Variants in SETX observed in about 807,000 individuals in gnomAD.
SETX encodes senataxin, also known as helicase senataxin.
Under a neutral mutation model 227.2 loss-of-function variants are expected in SETX, and 90 were observed. The observed-to-expected ratio is 0.40, with a 90% CI of 0.33 to 0.47. The LOEUF (loss-of-function observed/expected upper bound fraction) is 0.47. SETX is among the 20% of genes least tolerant of loss of function. The pLI, the probability that SETX is intolerant of heterozygous loss-of-function variation, is 0.91. For missense variants in SETX, 3,052 were observed against 3,181.5 expected, an observed-to-expected ratio of 0.96 and a Z score of 0.98; for synonymous variants, 1,210 against 1,113.2, an observed-to-expected ratio of 1.09 and a Z score of -1.73.
chr9:132,290,369 G>T (rs1372752034), intron 15 of SETX, among the ~76,000 whole-genome samples: 1 of 151,944 alleles, frequency 6.6e-6, no homozygotes, highest in Non-Finnish European at 1.5e-5. Flanking sequence ...GAGGTCAGGG[G>T]TTTGAGACCA....
intron 23 of SETX, among the ~76,000 whole-genome samples, chr9:132,274,061 T>C (rs1011461874): frequency 1.3e-5 from 2 of 152,298 alleles, no homozygotes; most frequent in African/African-American, 4.8e-5. Flanking sequence ...TCCTCATTCT[T>C]CTAATATGGT....
In SETX at chr9:132,311,785, G is replaced by C. The variant is rs115071007; in HGVS notation, c.5346C>G (p.Ala1782=). ...CAAACTCCCAGTATTTTATATAATC[G>C]GCAGGAAATTTTCGTACTTGCAACT... ...FYQLQVRKFP[A]DYIKYWEFAV... Residue 1782 remains alanine (A), a synonymous_variant, in exon 11 of 26, where the codon GCC becomes GCG. Coordinates refer to ENST00000224140, the MANE Select transcript of SETX (RefSeq NM_015046.7). 6.2e-7 allele frequency: 1 copy of C among 1,613,002 alleles called. No individual in the cohort carries two copies. The highest frequency in any genetic ancestry group is 2.2e-5 in the East Asian group (1 of 44,832).
chr9:132,271,201 A>G (rs1356658891), intron 24 of SETX, among the ~76,000 whole-genome samples: 2 of 152,266 alleles, frequency 1.3e-5, no homozygotes, highest in Non-Finnish European at 2.9e-5. Flanking sequence ...TCTGCAAAGT[A>G]TAATCTAATT....
At chr9:132,292,128 A>T (rs1564496567) in intron 15 of SETX, among the ~76,000 whole-genome samples, 1 of 152,156 alleles carries the variant, frequency 6.6e-6, no homozygotes, top group Non-Finnish European at 1.5e-5. Context: ...TCACATGTGC[A>T]TTTAGGGAAT....
Position 132,296,737 on chromosome 9 carries a change from C to A in SETX, c.5949+150G>T, listed in dbSNP as rs1844694047. The A allele has an allele frequency of 3.1e-5, 23 of 741,022 alleles. No homozygotes were observed. The East Asian group carries it at 6.1e-4, about 20-fold the overall frequency. The allele number at this position is 741,022 out of a possible 1,614,324, so 45.9% of individuals were successfully genotyped here. On this transcript the variant is annotated intron_variant, in intron 14 of 25. Transcript: ENST00000224140. ...CATAACCTTCCCTCCCTCTGCCACC[C>A]TTTTCTCTGACACAGTTACACACAA...
intron 15 of SETX, 63 bp downstream of exon 15, chr9:132,295,809 C>T (rs1844633885): frequency 7.4e-6 from 11 of 1,487,154 alleles, no homozygotes; most frequent in African/African-American, 1.4e-5. Context: ...CTTTGTCATT[C>T]AAAGTTGCCT....
At chr9:132,353,193 T>C (rs1048170168) in intron 2 of SETX, among the ~76,000 whole-genome samples, 2 of 152,162 alleles carry the variant, frequency 1.3e-5, no homozygotes, top group African/African-American at 4.8e-5. Context: ...CCCGCGATGA[T>C]CCAGCTTCCA....
At chr9:132,309,787 T>C (rs1020736800) in intron 11 of SETX, among the ~76,000 whole-genome samples, 2 of 152,010 alleles carry the variant, frequency 1.3e-5, no homozygotes, top group Non-Finnish European at 2.9e-5. Flanking sequence ...TAACCTTTGT[T>C]CTAGAAGGTA....
intron 4 of SETX, among the ~76,000 whole-genome samples, chr9:132,343,175 C>T (rs1488042952): frequency 1.3e-5 from 2 of 152,014 alleles, no homozygotes; most frequent in Non-Finnish European, 2.9e-5. Flanking sequence ...AAAAATTAGC[C>T]GGGCGTGGTG....
Position 132,329,886 on chromosome 9 carries a change from G to A in SETX, c.1712C>T (p.Ser571Phe). ...KLNLFLRGNL[S>F]LGWQLTSQET... ...CTGACTAGTCAACTGCCAACCTAGA[G>A]ATAAATTTCCTCTAAGGAATAAGTT... The change falls in exon 10 of 26, where the codon TCT becomes TTT. Residue 571 changes from serine (S) to phenylalanine (F), a missense_variant. By Grantham distance (155) the Ser-to-Phe change is radical. Transcript: ENST00000224140. 1 of 1,614,114 alleles carries A rather than the reference G, an allele frequency of 6.2e-7. No homozygotes were observed.
Position 132,328,869 on chromosome 9 carries a change from G to A in SETX, c.2729C>T (p.Ser910Leu), listed in dbSNP as rs1454530327. Reference protein sequence around the residue: ...TEMTNASEKKSSPFKDLMTVP... With the variant: ...TEMTNASEKKLSPFKDLMTVP... ...AGTCATAAGATCTTTAAAGGGAGAT[G>A]ATTTCTTCTCTGAAGCATTGGTCAT... Residue 910 changes from serine (S) to leucine (L), a missense_variant, in exon 10 of 26, where the codon TCA becomes TTA. Ser to Leu is a moderately radical substitution (Grantham distance 145). This residue lies in a region of SETX where 1,483 missense variants were observed against 1,312.0 expected (regional missense o/e 1.13). Transcript: ENST00000224140. 3.7e-6 allele frequency: 6 copies of A among 1,613,982 alleles called. No homozygotes were observed. The highest frequency in any genetic ancestry group is 4.2e-6 in the Non-Finnish European group (5 of 1,179,970).
rs889638841 is a variant in SETX, at chr9:132,354,391, G to C, written c.-115+526C>G. On this transcript the variant is annotated intron_variant, in intron 1 of 25. Transcript: ENST00000224140. ...CGCGCCTATGGTCCCAGTTACTCGG[G>C]GGGATGAGGCGGAAGGATCGCTGGA... 4.6e-5 allele frequency among the ~76,000 whole-genome samples: 7 copies of C among 151,844 alleles called. 1 individual carries two copies. In the South Asian group the frequency reaches 1.0e-3, roughly 23 times the overall value.
rs192065990 is a variant in SETX, at chr9:132,345,153, C to T, written c.388+1108G>A. On this transcript the variant is annotated intron_variant, in intron 4 of 25. Transcript: ENST00000224140. Reference sequence around the variant, plus strand: ...GCTAGCGGCATTTAGTAGACAAAGGCCAGGGATGCTGCTACACATCCTACA... The same window carrying T: ...GCTAGCGGCATTTAGTAGACAAAGGTCAGGGATGCTGCTACACATCCTACA... 2.3e-4 allele frequency among the ~76,000 whole-genome samples: 35 copies of T among 152,264 alleles called. No individual in the cohort carries two copies. In the East Asian group the frequency reaches 6.4e-3, roughly 28 times the overall value.
In SETX at chr9:132,353,737, T is replaced by A. The variant is rs891947823; in HGVS notation, c.-96A>T. The A allele has an allele frequency of 6.6e-6, 1 of 152,246 alleles. No individual in the cohort carries two copies. Among genetic ancestry groups the A allele is most frequent in the African/African-American group, 2.4e-5 (1 of 41,444 alleles). The allele number at this position is 152,246 out of a possible 1,614,324, so 9.4% of individuals were successfully genotyped here. On this transcript the variant is annotated 5_prime_UTR_variant, in exon 2 of 26. Transcript: ENST00000224140. ...TTTGCATTCATATATGCCCAGACTC[T>A]GGCCCCAAAAGAACATTTCTGAAAT...
At chr9:132,314,468 C>T (rs1845851484) in intron 10 of SETX, among the ~76,000 whole-genome samples, 1 of 152,168 alleles carries the variant, frequency 6.6e-6, no homozygotes, top group East Asian at 1.9e-4. Context: ...AGGTGATCTA[C>T]CCACCTCGGC....
Position 132,346,381 on chromosome 9 carries a change from C to T in SETX, c.268G>A (p.Val90Ile). 3.7e-6 allele frequency: 6 copies of T among 1,613,678 alleles called. No individual in the cohort carries two copies. The change falls in exon 4 of 26, where the codon GTA (valine) becomes ATA (isoleucine). Residue 90 changes from valine (V) to isoleucine (I), a missense_variant. Around this residue, in one of 10 missense-constraint regions of SETX, gnomAD observed 152 missense variants for 156.2 expected, o/e 0.97. Coordinates refer to ENST00000224140, the MANE Select transcript of SETX (RefSeq NM_015046.7). ...AGTGGCATCTCTCCATTATTGTCTA[C>T]TATATATAACTCATCATCATCTCCA... ...EIGDDDELYI[V>I]DNNGEMPLFD...
At chr9:132,307,205 A>C (rs1845383919) in intron 11 of SETX, among the ~76,000 whole-genome samples, 1 of 152,198 alleles carries the variant, frequency 6.6e-6, no homozygotes. Flanking sequence ...CAGTGAGCCA[A>C]GATCAGCTAC....
chr9:132,336,216 C>G (rs1165760015), intron 6 of SETX, 80 bp downstream of exon 6: 2 of 1,151,606 alleles, frequency 1.7e-6, no homozygotes, highest in African/African-American at 2.0e-5. Flanking sequence ...GCACTCCAGC[C>G]TGGGCAACAG....
At chr9:132,295,101 A>G (rs979728343) in intron 15 of SETX, among the ~76,000 whole-genome samples, 2 of 152,356 alleles carry the variant, frequency 1.3e-5, no homozygotes, top group East Asian at 1.9e-4. Context: ...GATATGAAAA[A>G]TAAGTGTTAA....
Sources: gnomAD v4.1 joint callset for allele counts (sites outside exome capture counted in the v4.1 genomes callset) on GRCh38, gnomAD v4.1.1 for gene constraint, gnomAD v4.1.1 regional missense constraint, MANE v1.5 for transcripts, NCBI Gene and HGNC (gene_info 2026-07-23, HGNC 2026-07-21) for gene names.